PGPEP1L: variants seen among roughly 807,000 people sequenced by gnomAD.
The protein encoded by PGPEP1L is pyroglutamyl-peptidase 1-like protein.
A neutral mutation model predicts 6.0 loss-of-function variants in PGPEP1L; 7 were observed. The ratio of observed to expected loss-of-function variants is 1.17; its 90% CI spans 0.66 to 2.19. The LOEUF (loss-of-function observed/expected upper bound fraction) is 2.19, where lower values mean the gene tolerates loss of function less well. Among genes scored for constraint, PGPEP1L ranks in the 30% most tolerant of loss-of-function variants. The pLI, the probability that PGPEP1L is intolerant of heterozygous loss-of-function variation, is 0.00. For missense variants in PGPEP1L, 209 were observed against 192.5 expected (o/e 1.09, Z -0.51); for synonymous variants, 103 against 83.9 (o/e 1.23, Z -1.24).
chr15:98,989,946 C>T (rs573437766), intron 2 of PGPEP1L, among the ~76,000 whole-genome samples: 8 of 152,242 alleles, frequency 5.3e-5, no homozygotes, highest in African/African-American at 1.4e-4. Flanking sequence ...GATTCTGTCA[C>T]CACCAGGCCT....
intron 1 of PGPEP1L, among the ~76,000 whole-genome samples, chr15:99,005,934 C>T (rs530426067): frequency 2.6e-5 from 4 of 152,132 alleles, no homozygotes; most frequent in Non-Finnish European, 4.4e-5. Flanking sequence ...TTATTTTTTC[C>T]TCTTTAGTAA....
chr15:98,971,873 AC>A (rs2017502530), intron 2 of PGPEP1L, among the ~76,000 whole-genome samples: 1 of 152,216 alleles, frequency 6.6e-6, no homozygotes, highest in South Asian at 2.1e-4. Flanking sequence ...AAAAGATAAA[AC>A]TGAAACACTA....
At chr15:99,004,924 C>T (rs1555473437) in intron 2 of PGPEP1L, among the ~76,000 whole-genome samples, 1 of 151,314 alleles carries the variant, frequency 6.6e-6, no homozygotes, top group Non-Finnish European at 1.5e-5. Context: ...TTCACAGCTC[C>T]CTGAAAAATG....
intron 2 of PGPEP1L, among the ~76,000 whole-genome samples, chr15:98,985,409 G>A (rs945736948): frequency 6.6e-5 from 10 of 152,136 alleles, no homozygotes; most frequent in Admixed American, 3.3e-4. Flanking sequence ...GTGATGGCAG[G>A]TGCCTGTAAT....
intron 2 of PGPEP1L, among the ~76,000 whole-genome samples, chr15:98,981,595 T>C (rs750335652): frequency 9.2e-5 from 14 of 151,932 alleles, no homozygotes; most frequent in Non-Finnish European, 1.9e-4. Flanking sequence ...CGAGGACTTA[T>C]GAATGTGGTG....
chr15:98,984,416 G>T (rs1338893801), intron 2 of PGPEP1L, among the ~76,000 whole-genome samples: 1 of 152,170 alleles, frequency 6.6e-6, no homozygotes, highest in Non-Finnish European at 1.5e-5. Context: ...ATTCATTCAT[G>T]TATCTAGTGA....
At chr15:98,988,186 G>C (rs1361238432) in intron 2 of PGPEP1L, among the ~76,000 whole-genome samples, 1 of 151,756 alleles carries the variant, frequency 6.6e-6, no homozygotes, top group African/African-American at 2.4e-5. Flanking sequence ...GGAGCCAAGT[G>C]GTCTGACTCA....
intron 2 of PGPEP1L, among the ~76,000 whole-genome samples, chr15:98,979,899 C>G (rs990466765): frequency 6.6e-6 from 1 of 151,968 alleles, no homozygotes; most frequent in Admixed American, 6.6e-5. Flanking sequence ...CTGCCTGCCT[C>G]GGAGACTATT....
intron 2 of PGPEP1L, among the ~76,000 whole-genome samples, chr15:98,982,206 TCTC>T (rs2017674451): frequency 6.6e-6 from 1 of 151,892 alleles, no homozygotes; most frequent in African/African-American, 2.4e-5. Flanking sequence ...GACCGTGGGG[TCTC>T]CTCCACCAAG....
rs1459173117 is a variant in PGPEP1L, at chr15:98,969,518, G to A, written c.116C>T (p.Pro39Leu). 1.2e-5 allele frequency: 19 copies of A among 1,614,042 alleles called. No individual in the cohort carries two copies. Among genetic ancestry groups the A allele is most frequent in the Non-Finnish European group, 1.5e-5 (18 of 1,179,910 alleles). The stretch of plus-strand genomic sequence containing the variant: ...GCAGACCCCTGACTCCAGCACGTCT[G>A]GGCTGCCAGGTAGGCACACGCCGCC... The part of the protein sequence containing the change: ...PEGGVCLPGS[P>L]DVLESGVCMK... Residue 39 changes from proline (P) to leucine (L), a missense_variant, in exon 4 of 5, where the codon CCA becomes CTA. Transcript: ENST00000535714.
At chr15:98,994,777 G>A (rs2017865520) in intron 2 of PGPEP1L, among the ~76,000 whole-genome samples, 1 of 152,042 alleles carries the variant, frequency 6.6e-6, no homozygotes, top group Admixed American at 6.5e-5. Flanking sequence ...AACTCTTGGT[G>A]TTTGTTTTTA....
chr15:98,994,092 C>A lies in PGPEP1L; in HGVS notation c.-142+11337G>T, dbSNP rs868994231. On this transcript the variant is annotated intron_variant, in intron 2 of 4. Coordinates refer to ENST00000535714, the MANE Select transcript of PGPEP1L (RefSeq NM_001167902.2). Reference sequence around the variant, plus strand: ...ACCATCCTGGCCAACATGGTGAAACCCCGTCTGTACTAAAAATGCAAAAAT... The same window carrying A: ...ACCATCCTGGCCAACATGGTGAAACACCGTCTGTACTAAAAATGCAAAAAT... Among the ~76,000 whole-genome samples, 8 of 151,070 alleles carry A rather than the reference C, an allele frequency of 5.3e-5. No homozygotes were observed. The South Asian group carries it at 1.5e-3, about 28-fold the overall frequency.
At chr15:98,987,392 C>G (rs1031320387) in intron 2 of PGPEP1L, among the ~76,000 whole-genome samples, 1 of 151,974 alleles carries the variant, frequency 6.6e-6, no homozygotes, top group Admixed American at 6.6e-5. Context: ...GATGCACTCA[C>G]CCTCAACATT....
chr15:98,989,198 G>A (rs925507661), intron 2 of PGPEP1L, among the ~76,000 whole-genome samples: 1 of 152,150 alleles, frequency 6.6e-6, no homozygotes, highest in Non-Finnish European at 1.5e-5. Context: ...AGCTAAAGAA[G>A]CATGTTCTAA....
chr15:98,997,534 T>C (rs2017904572), intron 2 of PGPEP1L, among the ~76,000 whole-genome samples: 1 of 152,132 alleles, frequency 6.6e-6, no homozygotes, highest in Admixed American at 6.5e-5. Flanking sequence ...GAAGAGGCAG[T>C]TCCCTCCTCA....
chr15:98,980,939 G>GA (rs34836014), intron 2 of PGPEP1L, among the ~76,000 whole-genome samples: 112,251 of 145,834 alleles, frequency 0.77, 44,603 homozygotes, highest in East Asian at 0.91. Flanking sequence ...TCTGGAAAAG[G>GA]AAAAAAAAAA....
intron 3 of PGPEP1L, 71 bp from the exon 4 acceptor site, chr15:98,969,722 G>T: frequency 6.7e-7 from 1 of 1,499,886 alleles, no homozygotes; most frequent in East Asian, 2.3e-5. Context: ...ATGTGCAGAA[G>T]GGGCCACTCC....
At chr15:98,978,706 GTATATATA>G (rs60484400) in intron 2 of PGPEP1L, among the ~76,000 whole-genome samples, 1 of 90,568 alleles carries the variant, frequency 1.1e-5, no homozygotes, top group Non-Finnish European at 2.1e-5. Flanking sequence ...ATTAGACTGT[GTATATATA>G]TATATATATA....
chr15:98,973,331 T>C (rs1287411879), intron 2 of PGPEP1L, among the ~76,000 whole-genome samples: 1 of 152,138 alleles, frequency 6.6e-6, no homozygotes, highest in African/African-American at 2.4e-5. Flanking sequence ...AAAGAAACAT[T>C]ACAGTTAAAC....
Sources: gnomAD v4.1 joint callset for allele counts (sites outside exome capture counted in the v4.1 genomes callset) on GRCh38, gnomAD v4.1.1 for gene constraint, MANE v1.5 for transcripts, NCBI Gene and HGNC (gene_info 2026-07-23, HGNC 2026-07-21) for gene names.